Variants in UMAD1 observed in about 807,000 individuals in gnomAD.
The protein encoded by UMAD1 is UBAP1-MVB12-associated (UMA)-domain containing protein 1.
Under a neutral mutation model 6.1 loss-of-function variants are expected in UMAD1, and 8 were observed. That is an observed-to-expected ratio of 1.30 (90% CI 0.76 to 2.35). The LOEUF (loss-of-function observed/expected upper bound fraction) is 2.35. UMAD1 is among the 30% of genes most tolerant of loss of function. UMAD1 has a pLI of 0.00. For missense variants in UMAD1, 130 were observed against 78.4 expected, an observed-to-expected ratio of 1.66 and a Z score of -2.49; for synonymous variants, 56 against 31.4, an observed-to-expected ratio of 1.78 and a Z score of -2.61.
chr7:7,743,660 G>A (rs1318537203), intron 2 of UMAD1, among the ~76,000 whole-genome samples: 1 of 151,290 alleles, frequency 6.6e-6, no homozygotes, highest in African/African-American at 2.4e-5. Flanking sequence ...TAAAGCAGGG[G>A]AAAGTAAGCT....
At chr7:7,806,269 T>C (rs1019334966) in intron 3 of UMAD1, among the ~76,000 whole-genome samples, 73 of 150,390 alleles carry the variant, frequency 4.9e-4, no homozygotes, top group African/African-American at 1.7e-3. Context: ...TTCCCCCCTC[T>C]AAAATCCCTT....
rs563728821 is a variant in UMAD1, at chr7:7,853,531, T to C, written c.157-23750T>C. On this transcript the variant is annotated intron_variant, in intron 3 of 3. Coordinates refer to ENST00000682710, the MANE Select transcript of UMAD1 (RefSeq NM_001302348.2). ...TCAGGGTATGAGTTTTGTACTTCTT[T>C]CATTAAATTTATTCCTAATCATGTT... Among the ~76,000 whole-genome samples, 4 of 152,266 alleles carry C rather than the reference T, an allele frequency of 2.6e-5. No homozygotes were observed. In the East Asian group the frequency reaches 5.8e-4, roughly 22 times the overall value.
intron 2 of UMAD1, among the ~76,000 whole-genome samples, chr7:7,716,007 C>G (rs906133493): frequency 2.6e-5 from 4 of 151,336 alleles, no homozygotes; most frequent in Non-Finnish European, 5.9e-5. Flanking sequence ...TCAGACAAAT[C>G]GAATAATTTT....
At chr7:7,761,732 C>T (rs1781894027) in intron 2 of UMAD1, among the ~76,000 whole-genome samples, 1 of 152,146 alleles carries the variant, frequency 6.6e-6, no homozygotes. Context: ...TTATTGATCC[C>T]AATTGTTTGC....
At chr7:7,647,629 A>G (rs1412073189) in intron 1 of UMAD1, among the ~76,000 whole-genome samples, 1 of 152,188 alleles carries the variant, frequency 6.6e-6, no homozygotes, top group Non-Finnish European at 1.5e-5. Flanking sequence ...TCTTTAAGAG[A>G]CAGGGTCTTC....
At position 7,830,886 on chromosome 7, in the gene UMAD1, T is replaced by C. The variant is rs575572735; in HGVS notation, c.156+29143T>C. On this transcript the variant is annotated intron_variant, in intron 3 of 3. Coordinates refer to ENST00000682710, the MANE Select transcript of UMAD1 (RefSeq NM_001302348.2). This position sits in a 1 kb window ranked among gnomAD's most constrained non-coding sequence, Gnocchi z 5.3. The stretch of plus-strand genomic sequence containing the variant: ...GTATCTGCATAGAAAAATTTGTTAT[T>C]AGTTTTTATGAATAAGCCAATCACC... 9.2e-5 allele frequency among the ~76,000 whole-genome samples: 14 copies of C among 152,288 alleles called. No individual in the cohort carries two copies. Among genetic ancestry groups the C allele is most frequent in the African/African-American group, 3.1e-4 (13 of 41,550 alleles).
At chr7:7,748,103 A>ATTTTTTTTTTTTTTTTTTTTTTT (rs35368211) in intron 2 of UMAD1, among the ~76,000 whole-genome samples, 1 of 140,162 alleles carries the variant, frequency 7.1e-6, no homozygotes. Context: ...CGCCCAGCTA[A>ATTTTTTTTTTTTTTTTTTTTTTT]TTTTTTTTTT....
intron 3 of UMAD1, among the ~76,000 whole-genome samples, chr7:7,821,233 C>T (rs770262119): frequency 7.2e-5 from 11 of 152,008 alleles, no homozygotes; most frequent in Admixed American, 1.3e-4. Context: ...CACCACTTGC[C>T]GCTTGTGGCT....
chr7:7,870,191 G>T (rs1230095972), intron 3 of UMAD1, among the ~76,000 whole-genome samples: 2 of 152,134 alleles, frequency 1.3e-5, no homozygotes, highest in South Asian at 2.1e-4. Flanking sequence ...TTTATTTGTT[G>T]TAATGATATA....
chr7:7,725,426 C>T (rs188346215), intron 2 of UMAD1, among the ~76,000 whole-genome samples: 402 of 152,206 alleles, frequency 2.6e-3, no homozygotes, highest in Non-Finnish European at 4.5e-3. Context: ...CTATTTGGAG[C>T]CTTTGGCAGG....
At position 7,820,491 on chromosome 7, in the gene UMAD1, T is replaced by C. The variant is rs187054306; in HGVS notation, c.156+18748T>C. Reference sequence around the variant, plus strand: ...ACAAAAAGTAACATTTATTTTAAAATATTATGTCTTTTAAATTTTGAATAT... The same window carrying C: ...ACAAAAAGTAACATTTATTTTAAAACATTATGTCTTTTAAATTTTGAATAT... On this transcript the variant is annotated intron_variant, in intron 3 of 3. Coordinates refer to ENST00000682710, the MANE Select transcript of UMAD1 (RefSeq NM_001302348.2). Among the ~76,000 whole-genome samples, 41 of 152,328 alleles carry C rather than the reference T, an allele frequency of 2.7e-4. No homozygotes were observed. In the East Asian group the frequency reaches 7.3e-3, roughly 27 times the overall value.
rs141602455 is a variant in UMAD1 at position 7,677,664 on chromosome 7, G to GT, written c.82+4238dup. Among the ~76,000 whole-genome samples, 144 of 113,474 alleles carry GT rather than the reference G, an allele frequency of 1.3e-3. 2 individuals are homozygous for GT. The highest frequency in any genetic ancestry group is 4.5e-3 in the African/African-American group (126 of 28,040). The allele number at this position is 113,474 out of a possible 152,430, so 74.4% of individuals were successfully genotyped here. A position where few individuals can be genotyped will look rare whatever the true frequency, so the allele number is the denominator to read the frequency against. ...TCTTTATCTATTCATCTGTTTTTTT[G>GT]TTTTTTTTTTTTTTTTTTTTTTTTT... On this transcript the variant is annotated intron_variant, in intron 2 of 3. Coordinates refer to ENST00000682710, the MANE Select transcript of UMAD1 (RefSeq NM_001302348.2).
chr7:7,721,886 C>T (rs1781056865), intron 2 of UMAD1, among the ~76,000 whole-genome samples: 1 of 151,962 alleles, frequency 6.6e-6, no homozygotes, highest in Non-Finnish European at 1.5e-5. Flanking sequence ...AAAGGCAGAC[C>T]CACCCTTAAT....
chr7:7,819,382 A>G (rs1783198543), intron 3 of UMAD1, among the ~76,000 whole-genome samples: 1 of 152,152 alleles, frequency 6.6e-6, no homozygotes, highest in South Asian at 2.1e-4. Flanking sequence ...TGTATCTGGT[A>G]AGTTGTAGGT....
At chr7:7,834,557 G>A (rs759615244) in intron 3 of UMAD1, among the ~76,000 whole-genome samples, 5 of 152,088 alleles carry the variant, frequency 3.3e-5, no homozygotes, top group East Asian at 3.9e-4. Flanking sequence ...TGGCCAATTC[G>A]GTTCCTGATG....
chr7:7,805,861 CTG>C (rs1782902409), intron 3 of UMAD1, among the ~76,000 whole-genome samples: 1 of 151,954 alleles, frequency 6.6e-6, no homozygotes, highest in African/African-American at 2.4e-5. Flanking sequence ...TCACATAACT[CTG>C]TCTTATTTTC....
chr7:7,700,323 A>G (rs985306788), intron 2 of UMAD1, among the ~76,000 whole-genome samples: 16 of 152,156 alleles, frequency 1.1e-4, no homozygotes, highest in African/African-American at 3.4e-4. Context: ...GTACCTCCCA[A>G]AGGTCTCCTA....
chr7:7,796,240 C>CTTTTTTTTTTTTTT (rs1782675248), intron 2 of UMAD1, among the ~76,000 whole-genome samples: 3 of 95,982 alleles, frequency 3.1e-5, no homozygotes, highest in African/African-American at 1.7e-4. Context: ...TTTCTATTTT[C>CTTTTTTTTTTTTTT]TTTCTTTTTT....
At chr7:7,829,889 T>C (rs1402586778) in intron 3 of UMAD1, among the ~76,000 whole-genome samples, 2 of 152,150 alleles carry the variant, frequency 1.3e-5, no homozygotes, top group East Asian at 3.9e-4. Flanking sequence ...TTTAATTATA[T>C]TCACTAGGAG....
Sources: allele counts gnomAD v4.1 joint callset (sites outside exome capture counted in the v4.1 genomes callset), GRCh38; gene constraint gnomAD v4.1.1; non-coding constraint Gnocchi (gnomAD v3.1); transcripts MANE v1.5; gene names NCBI Gene and HGNC (gene_info 2026-07-23, HGNC 2026-07-21).